ISL1: variants seen among roughly 807,000 people sequenced by gnomAD.
ISL1 encodes the protein insulin gene enhancer protein ISL-1.
Under a neutral mutation model 35.3 loss-of-function variants are expected in ISL1, and 4 were observed. The observed-to-expected ratio is 0.11, with a 90% confidence interval of 0.06 to 0.26. ISL1 has a LOEUF of 0.26. Among genes scored for constraint, ISL1 ranks in the 10% least tolerant of loss-of-function variants. ISL1 has a pLI of 1.00. For synonymous variants in ISL1, 186 were observed against 172.3 expected, an observed-to-expected ratio of 1.08 and a Z score of -0.62; for missense variants, 340 against 472.8, an observed-to-expected ratio of 0.72 and a Z score of 2.60.
chr5:51,387,476 C>T lies in ISL1; in HGVS notation c.219-14C>T, dbSNP rs371406968. ...CCGCTCTGGGCCGCCTCCGCTCCCC[C>T]CTCCCCCGCACAGGTTGTACGGGAT... On this transcript the variant is annotated splice_polypyrimidine_tract_variant and intron_variant, in intron 2 of 5. Coordinates refer to ENST00000230658, the MANE Select transcript of ISL1 (RefSeq NM_002202.3). This position sits in a 1 kb window ranked among gnomAD's most constrained non-coding sequence, Gnocchi z 4.3. 3.1e-6 allele frequency: 5 copies of T among 1,613,610 alleles called. No individual in the cohort carries two copies. The highest frequency in any genetic ancestry group is 1.7e-6 in the Non-Finnish European group (2 of 1,179,882).
chr5:51,391,020 G>C (rs1239633479), intron 4 of ISL1, among the ~76,000 whole-genome samples: 1 of 152,034 alleles, frequency 6.6e-6, no homozygotes, highest in Non-Finnish European at 1.5e-5. Flanking sequence ...GGGGGAAGAA[G>C]AAAATCAAAG....
chr5:51,393,504 CAGA>C lies in ISL1; in HGVS notation c.947_949del (p.Glu316del). The C allele has an allele frequency of 6.2e-7, 1 of 1,609,626 alleles. No homozygotes were observed. Among genetic ancestry groups the C allele is most frequent in the Non-Finnish European group, 8.5e-7 (1 of 1,175,944 alleles). Reference sequence around the variant, plus strand: ...CAACCTTCTATGCAGGTCAATTTTTCAGAAGGAGGACCGGGCTCTAATTCCACT... The same window carrying C: ...CAACCTTCTATGCAGGTCAATTTTTCAGGAGGACCGGGCTCTAATTCCACT... On this transcript the variant is annotated inframe_deletion, in exon 6 of 6. Coordinates refer to ENST00000230658, the MANE Select transcript of ISL1 (RefSeq NM_002202.3).
chr5:51,384,508 G>C (rs184309337), intron 1 of ISL1, 33 bp from the exon 2 acceptor site: 6 of 1,596,946 alleles, frequency 3.8e-6, no homozygotes, highest in Non-Finnish European at 5.2e-6. Context: ...GGAAGTAAAC[G>C]GTTAGTCAAT....
Position 51,389,056 on chromosome 5 carries a change from G to A in ISL1, c.479-590G>A, listed in dbSNP as rs1747420254. Among the ~76,000 whole-genome samples, 1 of 152,144 alleles carries A rather than the reference G, an allele frequency of 6.6e-6. No homozygotes were observed. Among genetic ancestry groups the A allele is most frequent in the Non-Finnish European group, 1.5e-5 (1 of 68,020 alleles). ...GCCCCTTCACATGACTGTCCTCTCGGACTGAAGTTCAAGGCGTTCTGGCAG... is the reference window on the plus strand; with the variant it reads ...GCCCCTTCACATGACTGTCCTCTCGAACTGAAGTTCAAGGCGTTCTGGCAG... On this transcript the variant is annotated intron_variant, in intron 3 of 5. Coordinates refer to ENST00000230658, the MANE Select transcript of ISL1 (RefSeq NM_002202.3). This position sits in a 1 kb window ranked among gnomAD's most constrained non-coding sequence, Gnocchi z 5.0.
intron 2 of ISL1, 136 bp downstream of exon 2, chr5:51,384,866 A>G: frequency 1.2e-6 from 1 of 803,576 alleles, no homozygotes; most frequent in Non-Finnish European, 2.1e-6. Flanking sequence ...GTTACCCTGT[A>G]CATGTGTTAA....
chr5:51,383,790 G>A lies in ISL1; in HGVS notation c.28+91G>A, dbSNP rs892549230. On this transcript the variant is annotated intron_variant, in intron 1 of 5. Coordinates refer to ENST00000230658, the MANE Select transcript of ISL1 (RefSeq NM_002202.3). The stretch of plus-strand genomic sequence containing the variant: ...CAGGCTGAGGTGCCAAGGGCTCTTT[G>A]GAGTTGGAGTCATTGCCTGGAGAAA... 5.5e-6 allele frequency: 6 copies of A among 1,096,920 alleles called. No homozygotes were observed. In the African/African-American group the frequency reaches 9.2e-5, roughly 17 times the overall value. 67.9% of individuals were successfully genotyped at this position (1,096,920 alleles called of 1,614,324 possible).
intron 1 of ISL1, among the ~76,000 whole-genome samples, chr5:51,383,992 T>C (rs1295196999): frequency 6.6e-6 from 1 of 152,058 alleles, no homozygotes; most frequent in East Asian, 1.9e-4. Context: ...CCGAGAAGGT[T>C]ATTATGTTGC....
intron 3 of ISL1, among the ~76,000 whole-genome samples, chr5:51,388,859 G>A (rs1241563544): frequency 1.3e-5 from 2 of 152,090 alleles, no homozygotes; most frequent in Non-Finnish European, 2.9e-5. Context: ...AATACCGAGA[G>A]GGAGGCGGGG....
At chr5:51,391,163 C>T (rs1344949838) in intron 4 of ISL1, 111 bp from the exon 5 acceptor site, 2 of 992,072 alleles carry the variant, frequency 2.0e-6, no homozygotes, top group Non-Finnish European at 3.0e-6. Context: ...CAATAAAGAC[C>T]ACTATATAGA....
At chr5:51,385,458 G>T (rs1381684219) in intron 2 of ISL1, among the ~76,000 whole-genome samples, 1 of 152,104 alleles carries the variant, frequency 6.6e-6, no homozygotes. Context: ...TTAGATAATT[G>T]AACAGCTTCC....
In ISL1 at chr5:51,391,283, G is replaced by A. The variant is rs1747507172; in HGVS notation, c.775G>A (p.Gly259Arg). The change falls in exon 5 of 6, where the codon GGG (glycine) becomes AGG (arginine). Residue 259 changes from glycine to arginine, a missense_variant. Around this residue, in one of 7 missense-constraint regions of ISL1, gnomAD observed 25 missense variants for 43.2 expected, o/e 0.58. Coordinates refer to ENST00000230658, the MANE Select transcript of ISL1 (RefSeq NM_002202.3). ...GGGGGCCTATTCACAGAATATCCAG[G>A]GGATGACAGGAACTCCCATGGTGGC... ...QQPNDKTNIQ[G>R]MTGTPMVAAS... 2 of 1,612,546 alleles carry A rather than the reference G, an allele frequency of 1.2e-6. No homozygotes were observed. The highest frequency in any genetic ancestry group is 1.7e-6 in the Non-Finnish European group (2 of 1,179,888).
At chr5:51,392,586 A>G (rs1580730903) in intron 5 of ISL1, among the ~76,000 whole-genome samples, 1 of 152,178 alleles carries the variant, frequency 6.6e-6, no homozygotes, top group East Asian at 1.9e-4. Context: ...GGAAAAATTT[A>G]CTGTAGAAAG....
Position 51,389,546 on chromosome 5 carries a change from C to A in ISL1, c.479-100C>A, listed in dbSNP as rs1561207621. The A allele has an allele frequency of 4.3e-6, 4 of 931,720 alleles. No homozygotes were observed. In the African/African-American group the frequency reaches 1.4e-4, roughly 33 times the overall value. 57.7% of individuals were successfully genotyped at this position (931,720 alleles called of 1,614,324 possible). ...TCGGGCGGGCGAGCAAGTAAGCGGGCGGGCGGGCGGGCAAGCGAGCGAGCG... is the reference window on the plus strand; with the variant it reads ...TCGGGCGGGCGAGCAAGTAAGCGGGAGGGCGGGCGGGCAAGCGAGCGAGCG... On this transcript the variant is annotated intron_variant, in intron 3 of 5. Coordinates refer to ENST00000230658, the MANE Select transcript of ISL1 (RefSeq NM_002202.3). The surrounding 1 kb of genome is among the most constrained non-coding windows in gnomAD (Gnocchi z 5.0).
In ISL1 at chr5:51,389,570, C is replaced by G. The variant is rs886718245; in HGVS notation, c.479-76C>G. On this transcript the variant is annotated intron_variant, in intron 3 of 5. Coordinates refer to ENST00000230658, the MANE Select transcript of ISL1 (RefSeq NM_002202.3). The surrounding 1 kb of genome is among the most constrained non-coding windows in gnomAD (Gnocchi z 5.0). Reference sequence around the variant, plus strand: ...GCGGGCGGGCGGGCAAGCGAGCGAGCGAGCGAGCGCGCGACCGCGGGCGGG... The same window carrying G: ...GCGGGCGGGCGGGCAAGCGAGCGAGGGAGCGAGCGCGCGACCGCGGGCGGG... 7.6e-7 allele frequency: 1 copy of G among 1,314,400 alleles called. No individual in the cohort carries two copies. Among genetic ancestry groups the G allele is most frequent in the South Asian group, 1.9e-5 (1 of 53,348 alleles). The allele number at this position is 1,314,400 out of a possible 1,614,324, so 81.4% of individuals were successfully genotyped here.
intron 4 of ISL1, 127 bp from the exon 5 acceptor site, chr5:51,391,147 C>G: frequency 1.2e-6 from 1 of 856,758 alleles, no homozygotes. Context: ...GGCGGATTAA[C>G]TGAGTCAATA....
chr5:51,392,105 C>T (rs1198436554), intron 5 of ISL1, among the ~76,000 whole-genome samples: 1 of 152,018 alleles, frequency 6.6e-6, no homozygotes, highest in African/African-American at 2.4e-5. Context: ...TAGAGACACA[C>T]AGTGTGTACC....
At chr5:51,388,130 G>A (rs1747395449) in intron 3 of ISL1, among the ~76,000 whole-genome samples, 1 of 152,232 alleles carries the variant, frequency 6.6e-6, no homozygotes, top group South Asian at 2.1e-4. Context: ...TTAAAGGGGC[G>A]GAGCCCCGGG....
chr5:51,386,376 CTGTGTGTGTGTGTG>C (rs3138746), intron 2 of ISL1: 10 of 262,658 alleles, frequency 3.8e-5, no homozygotes, highest in Middle Eastern at 1.4e-3. Flanking sequence ...TCTCTCAACT[CTGTGTGTGTGTGTG>C]TGTGTGTGTG....
rs1453772238 is a variant in ISL1, at chr5:51,389,945, GGGGCC to G, written c.765+18_765+22del. ...CAATGACAAAACTGTGAGTGGCTCT[GGGGCC>G]GGGCAGGGAATGCGAGGGGGAAGGA... On this transcript the variant is annotated intron_variant, in intron 4 of 5. Coordinates refer to ENST00000230658, the MANE Select transcript of ISL1 (RefSeq NM_002202.3). The surrounding 1 kb of genome is among the most constrained non-coding windows in gnomAD (Gnocchi z 5.0). 1 of 1,612,282 alleles carries G rather than the reference GGGGCC, an allele frequency of 6.2e-7. No individual in the cohort carries two copies. The highest frequency in any genetic ancestry group is 1.1e-5 in the South Asian group (1 of 91,048).
Sources: allele counts gnomAD v4.1 joint callset (sites outside exome capture counted in the v4.1 genomes callset), GRCh38; gene constraint gnomAD v4.1.1; regional missense constraint gnomAD v4.1.1; non-coding constraint Gnocchi (gnomAD v3.1); transcripts MANE v1.5; gene names NCBI Gene and HGNC (gene_info 2026-07-23, HGNC 2026-07-21).